The following SLC12A1 variants were observed in gnomAD, a reference collection of about 807,000 sequenced individuals.
SLC12A1 encodes the protein solute carrier family 12 member 1.
SLC12A1 carries 89 observed loss-of-function variants against 130.4 expected under a neutral mutation model. The observed-to-expected ratio is 0.68, with a 90% CI of 0.58 to 0.81. SLC12A1 has a LOEUF of 0.81. SLC12A1 is among the 40% of genes least tolerant of loss of function. The pLI is 0.00. For synonymous variants in SLC12A1, 499 were observed against 460.0 expected (o/e 1.08, Z -1.09); for missense variants, 1,310 against 1,336.4 (o/e 0.98, Z 0.31).
chr15:48,251,739 C>T lies in SLC12A1; in HGVS notation c.1911C>T (p.Phe637=), dbSNP rs767014521. The T allele has an allele frequency of 3.1e-5, 50 of 1,613,752 alleles. No homozygotes were observed. The Admixed American group carries it at 3.3e-4, about 11-fold the overall frequency. ...AAVITYVIEF[F]LYVYVTCKKP... ...TCATCACCTATGTCATTGAATTCTT[C>T]CTTTACGTCTATGTGACTTGTAAGA... Residue 637 remains phenylalanine, a synonymous_variant, in exon 15 of 27, where the codon TTC becomes TTT. Transcript: ENST00000380993.
intron 24 of SLC12A1, among the ~76,000 whole-genome samples, chr15:48,295,758 C>T (rs903964011): frequency 1.3e-5 from 2 of 152,114 alleles, no homozygotes; most frequent in African/African-American, 2.4e-5. Flanking sequence ...ACCCTGCTGA[C>T]GAAACAGGAG....
In SLC12A1 at chr15:48,232,269, C is replaced by T. The variant is rs544538636; in HGVS notation, c.976-458C>T. 2.6e-5 allele frequency among the ~76,000 whole-genome samples: 4 copies of T among 152,316 alleles called. No homozygotes were observed. The East Asian group carries it at 5.8e-4, about 22-fold the overall frequency. ...TGCTGAGCACACAGCGGCAGCCTGA[C>T]GTCAAGTGCACTGGGAATCACAGGA... On this transcript the variant is annotated intron_variant, in intron 7 of 26. Coordinates refer to ENST00000380993, the MANE Select transcript of SLC12A1 (RefSeq NM_000338.3).
At chr15:48,233,389 C>T (rs2041402751) in intron 8 of SLC12A1, among the ~76,000 whole-genome samples, 1 of 152,224 alleles carries the variant, frequency 6.6e-6, no homozygotes, top group Non-Finnish European at 1.5e-5. Flanking sequence ...ATTTGTTCAA[C>T]CACTGCAGAG....
Position 48,288,461 on chromosome 15 carries a change from A to G in SLC12A1, c.2818A>G (p.Lys940Glu). The part of the protein sequence containing the change: ...LTLRKKWKDC[K>E]LRIYVGGKIN... Reference sequence around the variant, plus strand: ...TCTCAGAAAAAAATGGAAAGACTGTAAATTAAGAATCTATGTGGGAGGGAA... The same window carrying G: ...TCTCAGAAAAAAATGGAAAGACTGTGAATTAAGAATCTATGTGGGAGGGAA... Residue 940 changes from lysine (K) to glutamate (E), a missense_variant, in exon 23 of 27, where the codon AAA (lysine) becomes GAA (glutamate). Lys to Glu is a moderately conservative substitution (Grantham distance 56). Transcript: ENST00000380993. 6.4e-7 allele frequency: 1 copy of G among 1,555,758 alleles called. No homozygotes were observed.
At chr15:48,219,975 G>C (rs1416228025) in intron 2 of SLC12A1, among the ~76,000 whole-genome samples, 1 of 151,818 alleles carries the variant, frequency 6.6e-6, no homozygotes, top group East Asian at 1.9e-4. Flanking sequence ...TGAGTGTGGT[G>C]GTGTGTGCCT....
chr15:48,242,997 C>T (rs980255753), intron 10 of SLC12A1, among the ~76,000 whole-genome samples: 9 of 151,880 alleles, frequency 5.9e-5, no homozygotes, highest in African/African-American at 1.9e-4. Flanking sequence ...AAGGTATAGA[C>T]CTGATTTCAG....
At chr15:48,287,959 A>G (rs2042076886) in intron 21 of SLC12A1, 84 bp from the exon 22 acceptor site, 2 of 1,431,278 alleles carry the variant, frequency 1.4e-6, no homozygotes, top group Non-Finnish European at 1.9e-6. Flanking sequence ...CCTTTTCTCT[A>G]TTTTCATCAC....
intron 9 of SLC12A1, chr15:48,237,258 C>A: frequency 4.0e-6 from 2 of 504,112 alleles, no homozygotes; most frequent in Non-Finnish European, 7.0e-6. Context: ...TAAGAAGGCA[C>A]CAAGAAAGAT....
intron 2 of SLC12A1, among the ~76,000 whole-genome samples, chr15:48,209,845 C>T (rs1048403882): frequency 6.6e-6 from 1 of 152,170 alleles, no homozygotes; most frequent in African/African-American, 2.4e-5. Flanking sequence ...GTTTCCTTGT[C>T]CCCTTTCCCC....
At position 48,251,656 on chromosome 15, in the gene SLC12A1, CTT is replaced by C. The variant is rs1057520304; in HGVS notation, c.1832_1833del (p.Phe611TrpfsTer24). 1 of 1,613,676 alleles carries C rather than the reference CTT, an allele frequency of 6.2e-7. No homozygotes were observed. The highest frequency in any genetic ancestry group is 8.5e-7 in the Non-Finnish European group (1 of 1,179,744). The part of the protein sequence containing the change: ...AYGIYNMWVS[L>X]FGAVLCCAVM... ...TGGAATTTACAACATGTGGGTATCT[CTT>C]TTTGGAGCTGTTTTGTGCTGTGCAG... On this transcript the variant is annotated frameshift_variant, in exon 15 of 27. Coordinates refer to ENST00000380993, the MANE Select transcript of SLC12A1 (RefSeq NM_000338.3). LOFTEE classifies it high-confidence loss of function.
chr15:48,293,432 A>T (rs1041485407), intron 24 of SLC12A1, among the ~76,000 whole-genome samples: 1 of 152,230 alleles, frequency 6.6e-6, no homozygotes, highest in African/African-American at 2.4e-5. Flanking sequence ...TGGGGCCTCC[A>T]AGAGGAATCA....
chr15:48,259,145 T>C (rs920305533), intron 16 of SLC12A1, 55 bp from the exon 17 acceptor site: 3 of 1,144,986 alleles, frequency 2.6e-6, no homozygotes, highest in Non-Finnish European at 4.0e-6. Context: ...GGAATGGTTC[T>C]AAGGTTACAG....
chr15:48,258,596 T>A (rs2041736003), intron 16 of SLC12A1, among the ~76,000 whole-genome samples: 1 of 152,174 alleles, frequency 6.6e-6, no homozygotes, highest in South Asian at 2.1e-4. Flanking sequence ...TTCTGTCTTC[T>A]TCTGGGCCCT....
rs1043830018 is a variant in SLC12A1, at chr15:48,207,173, T to C, written c.-186-361T>C. On this transcript the variant is annotated intron_variant, in intron 1 of 26. Transcript: ENST00000380993. ...ACTTTGCAGTTTCAGCATTTAGTAC[T>C]GTCAGTGAACTGTGTCTTAGGCTGA... is the stretch of plus-strand genomic sequence containing the variant. Among the ~76,000 whole-genome samples, 15 of 152,338 alleles carry C rather than the reference T, an allele frequency of 9.8e-5. 1 individual carries two copies. Among genetic ancestry groups the C allele is most frequent in the Admixed American group, 6.5e-4 (10 of 15,298 alleles).
chr15:48,232,887 C>T (rs1176893162), intron 8 of SLC12A1, 49 bp downstream of exon 8: 5 of 1,089,130 alleles, frequency 4.6e-6, no homozygotes, highest in Non-Finnish European at 7.0e-6. Context: ...CTCCATTGCC[C>T]TCCTCATCAC....
chr15:48,285,676 C>T (rs182512149), intron 21 of SLC12A1, among the ~76,000 whole-genome samples: 4 of 152,288 alleles, frequency 2.6e-5, no homozygotes, highest in African/African-American at 9.6e-5. Flanking sequence ...CCAGCTGGAA[C>T]GCTGATTTCA....
intron 24 of SLC12A1, among the ~76,000 whole-genome samples, chr15:48,296,811 A>C (rs1020720531): frequency 5.3e-5 from 8 of 152,320 alleles, no homozygotes; most frequent in African/African-American, 1.4e-4. Context: ...GAGCTACGTC[A>C]GGATCCTCTA....
At chr15:48,227,297 C>G in intron 5 of SLC12A1, 1 of 785,716 alleles carries the variant, frequency 1.3e-6, no homozygotes, top group Non-Finnish European at 2.0e-6. Context: ...ACAAAATAAC[C>G]CAAAATTTAA....
intron 19 of SLC12A1, 52 bp downstream of exon 19, chr15:48,269,816 C>T: frequency 1.0e-5 from 10 of 974,222 alleles, no homozygotes; most frequent in Non-Finnish European, 1.6e-5. Context: ...CTAAGCAGGG[C>T]AGTACATAAC....
Sources: allele counts gnomAD v4.1 joint callset (sites outside exome capture counted in the v4.1 genomes callset), GRCh38; gene constraint gnomAD v4.1.1; transcripts MANE v1.5; gene names NCBI Gene and HGNC (gene_info 2026-07-23, HGNC 2026-07-21).